Variants in DPH3 observed in about 807,000 individuals in gnomAD.
DPH3 encodes diphthamide biosynthesis protein 3.
A neutral mutation model predicts 10.2 loss-of-function variants in DPH3; 8 were observed. The ratio of observed to expected loss-of-function variants is 0.79; its 90% CI spans 0.46 to 1.42. DPH3 has a LOEUF of 1.42. Among genes scored for constraint, DPH3 ranks in the 40% most tolerant of loss-of-function variants. The pLI is 0.00. For synonymous variants in DPH3, 35 were observed against 35.6 expected, an observed-to-expected ratio of 0.98 and a Z score of 0.06; for missense variants, 96 against 98.9, an observed-to-expected ratio of 0.97 and a Z score of 0.12.
chr3:16,257,964 T>C lies in DPH3; in HGVS notation c.*2800A>G, dbSNP rs2064264245. ...AAATGTTGACATTTAGAAGAAAAAC[T>C]ACATAAAAGCAAATGGATTTGAATT... On this transcript the variant is annotated 3_prime_UTR_variant, in exon 3 of 3. Transcript: ENST00000488423. 1 of 152,198 alleles carries C rather than the reference T, an allele frequency of 6.6e-6. No homozygotes were observed. Among genetic ancestry groups the C allele is most frequent in the Admixed American group, 6.5e-5 (1 of 15,282 alleles). The allele number at this position is 152,198 out of a possible 1,614,324, so 9.4% of individuals were successfully genotyped here.
chr3:16,264,242 C>T lies in DPH3; in HGVS notation c.109-13G>A, dbSNP rs781640779. ...TCTCCAAATCTTCCTACAACGAAATCAAATACCATGTGGTCAGGATAGCTT... is the reference window on the plus strand; with the variant it reads ...TCTCCAAATCTTCCTACAACGAAATTAAATACCATGTGGTCAGGATAGCTT... On this transcript the variant is annotated splice_polypyrimidine_tract_variant and intron_variant, in intron 1 of 2. Coordinates refer to ENST00000488423, the MANE Select transcript of DPH3 (RefSeq NM_206831.3). 1 of 1,596,952 alleles carries T rather than the reference C, an allele frequency of 6.3e-7. No individual in the cohort carries two copies. Among genetic ancestry groups the T allele is most frequent in the Non-Finnish European group, 8.6e-7 (1 of 1,168,786 alleles).
In DPH3 at chr3:16,257,352, A is replaced by T. The variant is rs995660964; in HGVS notation, c.*3412T>A. ...TGACCCAGTTACTCTCTCCCACATC[A>T]CCTGGTTTGTTTCCTTGGGGGCTCT... On this transcript the variant is annotated 3_prime_UTR_variant, in exon 3 of 3. Transcript: ENST00000488423. Among the ~76,000 whole-genome samples, 12 of 151,968 alleles carry T rather than the reference A, an allele frequency of 7.9e-5. No individual in the cohort carries two copies. The highest frequency in any genetic ancestry group is 1.8e-4 in the Non-Finnish European group (12 of 67,996).
rs2124931262 is a variant in DPH3, at chr3:16,259,548, A to G, written c.*1216T>C. ...ATACACAGTAAAGTTGTGTATATAA[A>G]GGGAATTTTCAAATTTCCAATGTAA... On this transcript the variant is annotated 3_prime_UTR_variant, in exon 3 of 3. Transcript: ENST00000488423. 6.6e-6 allele frequency: 1 copy of G among 152,358 alleles called. No homozygotes were observed. Among genetic ancestry groups the G allele is most frequent in the East Asian group, 1.9e-4 (1 of 5,186 alleles). The allele number at this position is 152,358 out of a possible 1,614,324, so 9.4% of individuals were successfully genotyped here. A position where few individuals can be genotyped will look rare whatever the true frequency, so the allele number is the denominator to read the frequency against.
In DPH3 at chr3:16,263,841, T is replaced by C. The variant is rs1349562069; in HGVS notation, c.183+314A>G. Among the ~76,000 whole-genome samples the C allele has an allele frequency of 6.6e-6, 1 of 152,222 alleles. No homozygotes were observed. The highest frequency in any genetic ancestry group is 1.5e-5 in the Non-Finnish European group (1 of 68,034). ...GTCTAGCAGCTCTAAACAATTTTAA[T>C]TACATATTAAATAGAAGAGAAATAT... On this transcript the variant is annotated intron_variant, in intron 2 of 2. Coordinates refer to ENST00000488423, the MANE Select transcript of DPH3 (RefSeq NM_206831.3). This position sits in a 1 kb window ranked among gnomAD's most constrained non-coding sequence, Gnocchi z 4.0.
At chr3:16,264,450 CA>C in intron 1 of DPH3, 1 of 547,470 alleles carries the variant, frequency 1.8e-6, no homozygotes, top group Non-Finnish European at 3.2e-6. Flanking sequence ...TCGGTCGCCC[CA>C]AAAGCCCTGG....
rs1400813970 is a variant in DPH3 at position 16,263,769 on chromosome 3, T to C, written c.183+386A>G. On this transcript the variant is annotated intron_variant, in intron 2 of 2. Coordinates refer to ENST00000488423, the MANE Select transcript of DPH3 (RefSeq NM_206831.3). The surrounding 1 kb of genome is among the most constrained non-coding windows in gnomAD (Gnocchi z 4.0). ...TCAAACAAGATAATGCAGAATTCTG[T>C]GTATAAGCCAGCACGAAATACCATA... 6.6e-6 allele frequency among the ~76,000 whole-genome samples: 1 copy of C among 152,234 alleles called. No individual in the cohort carries two copies. The highest frequency in any genetic ancestry group is 2.4e-5 in the African/African-American group (1 of 41,464).
In DPH3 at chr3:16,262,383, T is replaced by G. The variant is rs2064297934; in HGVS notation, c.184-1554A>C. On this transcript the variant is annotated intron_variant, in intron 2 of 2. Transcript: ENST00000488423. The surrounding 1 kb of genome is among the most constrained non-coding windows in gnomAD (Gnocchi z 4.7). Reference sequence around the variant, plus strand: ...AGCTAATGGTTAATTCTTGATTGCTTCCTATCAGTGTCACGTGACAAGGAT... The same window carrying G: ...AGCTAATGGTTAATTCTTGATTGCTGCCTATCAGTGTCACGTGACAAGGAT... Among the ~76,000 whole-genome samples, 1 of 152,202 alleles carries G rather than the reference T, an allele frequency of 6.6e-6. No individual in the cohort carries two copies. The highest frequency in any genetic ancestry group is 1.5e-5 in the Non-Finnish European group (1 of 68,022).
intron 1 of DPH3, 137 bp downstream of exon 1, chr3:16,264,632 C>G (rs1161392747): frequency 4.8e-6 from 4 of 825,726 alleles, no homozygotes; most frequent in Non-Finnish European, 7.6e-6. Flanking sequence ...TGGGGGGACG[C>G]GGGAGGAGGA....
Position 16,263,432 on chromosome 3 carries a change from G to T in DPH3, c.183+723C>A, listed in dbSNP as rs908255114. Among the ~76,000 whole-genome samples the T allele has an allele frequency of 2.0e-5, 3 of 152,126 alleles. No individual in the cohort carries two copies. The highest frequency in any genetic ancestry group is 6.5e-5 in the Admixed American group (1 of 15,282). On this transcript the variant is annotated intron_variant, in intron 2 of 2. Transcript: ENST00000488423. The surrounding 1 kb of genome is among the most constrained non-coding windows in gnomAD (Gnocchi z 4.0). ...GCACTCCTGATCTTCCTTACCGTTT[G>T]CTTTCTGTTGCAGAGCACATTTTAA...
rs2124933589 is a variant in DPH3, at chr3:16,263,227, G to A, written c.183+928C>T. ...TCCTTTTTGTTCCTTGATAAAATCA[G>A]GCATGTTCCTGTCTTAGGTCCCCTT... On this transcript the variant is annotated intron_variant, in intron 2 of 2. Transcript: ENST00000488423. This position sits in a 1 kb window ranked among gnomAD's most constrained non-coding sequence, Gnocchi z 4.0. Among the ~76,000 whole-genome samples the A allele has an allele frequency of 6.6e-6, 1 of 152,156 alleles. No individual in the cohort carries two copies.
In DPH3 at chr3:16,259,028, G is replaced by C. The variant is rs1013559254; in HGVS notation, c.*1736C>G. The C allele has an allele frequency of 6.6e-6, 1 of 152,200 alleles. No individual in the cohort carries two copies. Among genetic ancestry groups the C allele is most frequent in the Non-Finnish European group, 1.5e-5 (1 of 68,038 alleles). The allele number at this position is 152,200 out of a possible 1,614,324, so 9.4% of individuals were successfully genotyped here. ...TAGCAAACCCACATCAAGGGTGTCT[G>C]TTCGTGTTTGAAACTCATCAGCATC... On this transcript the variant is annotated 3_prime_UTR_variant, in exon 3 of 3. Coordinates refer to ENST00000488423, the MANE Select transcript of DPH3 (RefSeq NM_206831.3).
chr3:16,260,284 G>A lies in DPH3; in HGVS notation c.*480C>T, dbSNP rs2292614. ...GACTGGCTTGGTATAGAAACTGGAA[G>A]TGTGGTACTGATGAAGCAACTAATT... On this transcript the variant is annotated 3_prime_UTR_variant, in exon 3 of 3. Transcript: ENST00000488423. 0.23 allele frequency: 36,072 copies of A among 157,676 alleles called. 5,716 individuals carry two copies. Among genetic ancestry groups the A allele is most frequent in the African/African-American group, 0.46 (19,189 of 41,532 alleles). The allele number at this position is 157,676 out of a possible 1,614,324, so 9.8% of individuals were successfully genotyped here.
rs1303280250 is a variant in DPH3, at chr3:16,258,095, T to A, written c.*2669A>T. The A allele has an allele frequency of 6.6e-6, 1 of 152,264 alleles. No individual in the cohort carries two copies. The highest frequency in any genetic ancestry group is 1.5e-5 in the Non-Finnish European group (1 of 68,038). The allele number at this position is 152,264 out of a possible 1,614,324, so 9.4% of individuals were successfully genotyped here. The stretch of plus-strand genomic sequence containing the variant: ...TTTCCAAGAAAAATGTTTCTGAATG[T>A]GCACACTAGAATATATGCAGAATCC... On this transcript the variant is annotated 3_prime_UTR_variant, in exon 3 of 3. Coordinates refer to ENST00000488423, the MANE Select transcript of DPH3 (RefSeq NM_206831.3).
chr3:16,258,849 A>G lies in DPH3; in HGVS notation c.*1915T>C, dbSNP rs1405345565. ...TCAATTGCTTTAGAAACAAAGCAAT[A>G]AATGATTTGATTTAGAAATAATTTG... On this transcript the variant is annotated 3_prime_UTR_variant, in exon 3 of 3. Coordinates refer to ENST00000488423, the MANE Select transcript of DPH3 (RefSeq NM_206831.3). 4 of 152,240 alleles carry G rather than the reference A, an allele frequency of 2.6e-5. No individual in the cohort carries two copies. Among genetic ancestry groups the G allele is most frequent in the Non-Finnish European group, 5.9e-5 (4 of 68,034 alleles). The allele number at this position is 152,240 out of a possible 1,614,324, so 9.4% of individuals were successfully genotyped here.
At chr3:16,264,619 G>C (rs1048597784) in intron 1 of DPH3, 150 bp downstream of exon 1, 9 of 752,734 alleles carry the variant, frequency 1.2e-5, no homozygotes, top group East Asian at 2.7e-5. Flanking sequence ...GCATTAGTTG[G>C]GGTGGGGGGA....
Position 16,264,941 on chromosome 3 carries a change from T to C in DPH3, c.-65A>G, listed in dbSNP as rs1282065421. Reference sequence around the variant, plus strand: ...CCGAGGCCAGCTCCGAGGGTTTAACTTCGCCGGAACCGGCCTGGGCTCGGC... The same window carrying C: ...CCGAGGCCAGCTCCGAGGGTTTAACCTCGCCGGAACCGGCCTGGGCTCGGC... On this transcript the variant is annotated 5_prime_UTR_variant, in exon 1 of 3. Transcript: ENST00000488423. 3 of 1,574,774 alleles carry C rather than the reference T, an allele frequency of 1.9e-6. No homozygotes were observed. The highest frequency in any genetic ancestry group is 3.5e-5 in the Admixed American group (2 of 57,590).
intron 1 of DPH3, 96 bp downstream of exon 1, chr3:16,264,673 G>A (rs568487156): frequency 1.7e-6 from 2 of 1,205,918 alleles, no homozygotes; most frequent in Admixed American, 4.2e-5. Context: ...GGGCGTGGGT[G>A]ACACAGCGCA....
chr3:16,264,411 G>A, intron 1 of DPH3, 182 bp from the exon 2 acceptor site: 1 of 542,708 alleles, frequency 1.8e-6, no homozygotes, highest in South Asian at 2.7e-5. Flanking sequence ...CGTCACTTAG[G>A]GGAAACACCT....
rs373911088 is a variant in DPH3 at position 16,264,734 on chromosome 3, C to G, written c.108+35G>C. 39 of 1,605,994 alleles carry G rather than the reference C, an allele frequency of 2.4e-5. 1 individual carries two copies. The highest frequency in any genetic ancestry group is 2.7e-5 in the Non-Finnish European group (32 of 1,174,176). ...AACGGGCGGAACCAAACTGCGCTTG[C>G]TTGGGTGAACCGCCGGGCGGGACCC... On this transcript the variant is annotated intron_variant, in intron 1 of 2. Coordinates refer to ENST00000488423, the MANE Select transcript of DPH3 (RefSeq NM_206831.3).
Sources: allele counts gnomAD v4.1 joint callset (sites outside exome capture counted in the v4.1 genomes callset), GRCh38; gene constraint gnomAD v4.1.1; non-coding constraint Gnocchi (gnomAD v3.1); transcripts MANE v1.5; gene names NCBI Gene and HGNC (gene_info 2026-07-23, HGNC 2026-07-21).